CNTN5: variants seen among roughly 807,000 people sequenced by gnomAD.
CNTN5 encodes contactin 5.
CNTN5 carries 77 observed loss-of-function variants against 129.1 expected under a neutral mutation model. That is an observed-to-expected ratio of 0.60 (90% CI 0.50 to 0.72). CNTN5 has a LOEUF of 0.72. Ranked by LOEUF, CNTN5 falls within the 30% of genes least tolerant of loss-of-function variation. CNTN5 has a pLI of 0.00. For synonymous variants in CNTN5, 509 were observed against 465.6 expected (o/e 1.09, Z -1.20); for missense variants, 1,478 against 1,328.8 (o/e 1.11, Z -1.75).
At chr11:100,147,964 A>G (rs1360172284) in intron 13 of CNTN5, among the ~76,000 whole-genome samples, 2 of 152,174 alleles carry the variant, frequency 1.3e-5, no homozygotes. Context: ...GCTTTTAAAA[A>G]TATTTTAAAT....
At chr11:99,685,420 T>C (rs1207418178) in intron 3 of CNTN5, among the ~76,000 whole-genome samples, 1 of 151,928 alleles carries the variant, frequency 6.6e-6, no homozygotes, top group African/African-American at 2.4e-5. Context: ...CCCTTCTGAT[T>C]TTCTTTCTAT....
At chr11:99,360,354 T>C (rs1378779107) in intron 2 of CNTN5, among the ~76,000 whole-genome samples, 2 of 152,158 alleles carry the variant, frequency 1.3e-5, no homozygotes, top group African/African-American at 4.8e-5. Context: ...TTGAAGCTCC[T>C]TAGGGGATTG....
intron 3 of CNTN5, among the ~76,000 whole-genome samples, chr11:99,716,021 A>T (rs571605524): frequency 7.6e-4 from 45 of 59,532 alleles, no homozygotes; most frequent in Middle Eastern, 0.016. Flanking sequence ...TTAGTCATCT[A>T]ATTTAAAAAA....
chr11:99,393,330 C>T (rs747532255), intron 2 of CNTN5, among the ~76,000 whole-genome samples: 25 of 151,844 alleles, frequency 1.6e-4, no homozygotes, highest in Admixed American at 1.2e-3. Flanking sequence ...GGAGACAGAA[C>T]CAGTAGGTTG....
chr11:99,816,317 C>G (rs1295374396), intron 3 of CNTN5, among the ~76,000 whole-genome samples: 1 of 152,138 alleles, frequency 6.6e-6, no homozygotes, highest in Non-Finnish European at 1.5e-5. Context: ...TGTCTATTCT[C>G]AGTTTCAATA....
intron 9 of CNTN5, chr11:100,003,749 A>G (rs1322283697): frequency 3.9e-5 from 6 of 152,156 alleles, no homozygotes; most frequent in Admixed American, 1.3e-4. Context: ...TTCTTTTAAT[A>G]TGTTATTTTC....
At chr11:99,871,454 C>A (rs1948500770) in intron 6 of CNTN5, among the ~76,000 whole-genome samples, 1 of 151,912 alleles carries the variant, frequency 6.6e-6, no homozygotes, top group African/African-American at 2.4e-5. Flanking sequence ...AAATGATTTT[C>A]TTCTTTCAAG....
chr11:99,873,869 A>G (rs967643086), intron 6 of CNTN5, among the ~76,000 whole-genome samples: 1 of 152,156 alleles, frequency 6.6e-6, no homozygotes, highest in African/African-American at 2.4e-5. Context: ...AGCATGGAAC[A>G]CAATGCAGCC....
At chr11:100,198,186 A>G (rs538497537) in intron 15 of CNTN5, among the ~76,000 whole-genome samples, 36 of 152,012 alleles carry the variant, frequency 2.4e-4, no homozygotes, top group Non-Finnish European at 4.4e-4. Context: ...GTTTGAATCC[A>G]GTCTTCAGTA....
At chr11:99,304,801 CTA>C in intron 1 of CNTN5, among the ~76,000 whole-genome samples, 1 of 152,292 alleles carries the variant, frequency 6.6e-6, no homozygotes, top group East Asian at 1.9e-4. Context: ...ATGGTCATCT[CTA>C]TTGTGAGGTT....
In CNTN5 at chr11:100,191,105, CTG is replaced by C; in HGVS notation, c.1581-19_1581-18del. On this transcript the variant is annotated intron_variant, in intron 13 of 24. Transcript: ENST00000524871. ...GATTGCAGTAAAACAGAAAAAAAAA[CTG>C]TTTTTAAATAATTTTCAGAATAGCT... The C allele has an allele frequency of 6.8e-7, 1 of 1,464,284 alleles. No homozygotes were observed. Among genetic ancestry groups the C allele is most frequent in the African/African-American group, 1.5e-5 (1 of 67,256 alleles). The allele number at this position is 1,464,284 out of a possible 1,614,324, so 90.7% of individuals were successfully genotyped here. A position where few individuals can be genotyped will look rare whatever the true frequency, so the allele number is the denominator to read the frequency against.
chr11:99,955,778 A>G (rs1474007841), intron 7 of CNTN5, among the ~76,000 whole-genome samples: 1 of 151,748 alleles, frequency 6.6e-6, no homozygotes, highest in Non-Finnish European at 1.5e-5. Flanking sequence ...GTTAGCCAGG[A>G]TAGTCTCGAT....
Position 100,350,996 on chromosome 11 carries a change from TTTTATA to T in CNTN5, c.3199+129_3199+134del, listed in dbSNP as rs1952398816. The T allele has an allele frequency of 4.6e-6, 3 of 651,530 alleles. No individual in the cohort carries two copies. The South Asian group carries it at 8.0e-5, about 17-fold the overall frequency. 40.4% of individuals were successfully genotyped at this position (651,530 alleles called of 1,614,324 possible). A position where few individuals can be genotyped will look rare whatever the true frequency, so the allele number is the denominator to read the frequency against. On this transcript the variant is annotated intron_variant, in intron 24 of 24. Transcript: ENST00000524871. ...TTTTGAGGGATTTCTCCTCTCTGAT[TTTTATA>T]TTATCTTCTGATTAATATGAACCAT...
chr11:100,275,136 G>A (rs953281973), intron 18 of CNTN5, among the ~76,000 whole-genome samples: 1 of 151,772 alleles, frequency 6.6e-6, no homozygotes, highest in South Asian at 2.1e-4. Context: ...GTTGGAAAAG[G>A]TTCATCCACA....
At chr11:99,201,323 CCCTT>C (rs749149194) in intron 1 of CNTN5, among the ~76,000 whole-genome samples, 12 of 71,698 alleles carry the variant, frequency 1.7e-4, no homozygotes, top group East Asian at 8.3e-4. Flanking sequence ...TGCGCCTGGC[CCCTT>C]CCTTCCTTCC....
chr11:99,946,520 A>T (rs1199482487), intron 7 of CNTN5, among the ~76,000 whole-genome samples: 2 of 152,144 alleles, frequency 1.3e-5, no homozygotes, highest in African/African-American at 4.8e-5. Context: ...ATAAAGACTG[A>T]CAGTATGGGA....
At chr11:99,802,306 G>A (rs1467965427) in intron 3 of CNTN5, among the ~76,000 whole-genome samples, 3 of 152,254 alleles carry the variant, frequency 2.0e-5, no homozygotes, top group African/African-American at 7.2e-5. Flanking sequence ...GCTGCCTCAG[G>A]GAATGAGCTG....
At chr11:99,580,183 C>G (rs1410950440) in intron 3 of CNTN5, among the ~76,000 whole-genome samples, 4 of 152,152 alleles carry the variant, frequency 2.6e-5, no homozygotes, top group Non-Finnish European at 5.9e-5. Context: ...ATGAAGCCCA[C>G]TTGATCATGG....
chr11:100,180,203 C>T (rs993812930), intron 13 of CNTN5, among the ~76,000 whole-genome samples: 4 of 151,860 alleles, frequency 2.6e-5, no homozygotes, highest in African/African-American at 9.7e-5. Flanking sequence ...TTATTTTTCC[C>T]GATTTAAGGA....
Sources: gnomAD v4.1 joint callset for allele counts (sites outside exome capture counted in the v4.1 genomes callset) on GRCh38, gnomAD v4.1.1 for gene constraint, MANE v1.5 for transcripts, NCBI Gene and HGNC (gene_info 2026-07-23, HGNC 2026-07-21) for gene names.